Variants in PTPRD observed in about 807,000 individuals in gnomAD.
PTPRD encodes receptor-type tyrosine-protein phosphatase delta.
In PTPRD, 34 loss-of-function variants were observed where a neutral mutation model predicts 214.5. That is an observed-to-expected ratio of 0.16 (90% CI 0.12 to 0.21). PTPRD has a LOEUF of 0.21. Ranked by LOEUF, PTPRD falls within the 10% of genes least tolerant of loss-of-function variation. The pLI, the probability that PTPRD is intolerant of heterozygous loss-of-function variation, is 1.00. For synonymous variants in PTPRD, 1,128 were observed against 845.7 expected, an observed-to-expected ratio of 1.33 and a Z score of -5.79; for missense variants, 2,545 against 2,398.7, an observed-to-expected ratio of 1.06 and a Z score of -1.27.
At chr9:10,345,625 C>T (rs2038683) in intron 2 of PTPRD, among the ~76,000 whole-genome samples, 151,362 of 152,334 alleles carry the variant, frequency 0.99, 75,201 homozygotes, top group Middle Eastern at 1. Flanking sequence ...CAGTATTCCA[C>T]GGTGTATATG....
At chr9:8,537,347 A>AC (rs2077199209) in intron 14 of PTPRD, among the ~76,000 whole-genome samples, 1 of 152,046 alleles carries the variant, frequency 6.6e-6, no homozygotes, top group South Asian at 2.1e-4. Context: ...AGCAGAAAAA[A>AC]AAACTGACAG....
chr9:9,564,943 G>C (rs1050647692), intron 8 of PTPRD, among the ~76,000 whole-genome samples: 1 of 124,402 alleles, frequency 8.0e-6, no homozygotes, highest in African/African-American at 3.0e-5. Context: ...CCTGTTATGG[G>C]CTATGTACTA....
intron 6 of PTPRD, among the ~76,000 whole-genome samples, chr9:9,747,569 G>A (rs1372105943): frequency 6.8e-6 from 1 of 146,018 alleles, no homozygotes; most frequent in African/African-American, 2.5e-5. Context: ...TCCCTGAGAT[G>A]GAGTTTCACT....
At chr9:10,313,137 A>G (rs992263994) in intron 3 of PTPRD, among the ~76,000 whole-genome samples, 2 of 151,866 alleles carry the variant, frequency 1.3e-5, no homozygotes, top group Non-Finnish European at 2.9e-5. Context: ...TGGAACAGAA[A>G]TTTGAAAAGA....
intron 2 of PTPRD, among the ~76,000 whole-genome samples, chr9:10,506,999 G>A (rs908228237): frequency 5.3e-5 from 8 of 151,966 alleles, no homozygotes; most frequent in Non-Finnish European, 1.2e-4. Flanking sequence ...GGTGAGAGAG[G>A]GCATCCCTGT....
chr9:8,362,770 C>G (rs372148521), intron 39 of PTPRD, among the ~76,000 whole-genome samples: 1 of 152,202 alleles, frequency 6.6e-6, no homozygotes, highest in Non-Finnish European at 1.5e-5. Flanking sequence ...CCAGACTGTT[C>G]TCTACCTTTC....
At chr9:10,569,540 T>G (rs147825992) in intron 2 of PTPRD, among the ~76,000 whole-genome samples, 90 of 152,026 alleles carry the variant, frequency 5.9e-4, no homozygotes, top group African/African-American at 2.0e-3. Flanking sequence ...TCTGTGTGTA[T>G]ATATATATAC....
chr9:10,351,464 A>T (rs897475825), intron 2 of PTPRD, among the ~76,000 whole-genome samples: 18 of 151,950 alleles, frequency 1.2e-4, no homozygotes, highest in African/African-American at 3.6e-4. Context: ...TTCAAATGGG[A>T]CCTCTTACTC....
intron 7 of PTPRD, among the ~76,000 whole-genome samples, chr9:9,698,183 C>T (rs372398176): frequency 6.6e-6 from 1 of 152,106 alleles, no homozygotes; most frequent in Admixed American, 6.6e-5. Flanking sequence ...TCATAGTTCC[C>T]TCTTTACTGT....
intron 3 of PTPRD, among the ~76,000 whole-genome samples, chr9:10,270,685 G>T (rs916622708): frequency 6.6e-6 from 1 of 152,094 alleles, no homozygotes; most frequent in Non-Finnish European, 1.5e-5. Context: ...AAAAATTGTG[G>T]TATTGGATGC....
intron 5 of PTPRD, among the ~76,000 whole-genome samples, chr9:9,799,971 A>G (rs2099028361): frequency 6.6e-6 from 1 of 152,298 alleles, no homozygotes; most frequent in East Asian, 1.9e-4. Flanking sequence ...AATTCCTTTC[A>G]GTCTCCAAAT....
chr9:8,798,884 G>C (rs1205246782), intron 11 of PTPRD, among the ~76,000 whole-genome samples: 2 of 152,054 alleles, frequency 1.3e-5, no homozygotes, highest in Non-Finnish European at 2.9e-5. Context: ...CATTGCTGCA[G>C]TTTAAGTGCC....
chr9:8,808,378 C>T lies in PTPRD; in HGVS notation c.-103-74432G>A, dbSNP rs77996136. ...ACTTTTGGGAAAACGCTAAGCTAACCCCACATTCACTAACTCTAAAATGAT... is the reference window on the plus strand; with the variant it reads ...ACTTTTGGGAAAACGCTAAGCTAACTCCACATTCACTAACTCTAAAATGAT... On this transcript the variant is annotated intron_variant, in intron 11 of 45. Transcript: ENST00000381196. Among the ~76,000 whole-genome samples, 39 of 152,104 alleles carry T rather than the reference C, an allele frequency of 2.6e-4. 1 individual carries two copies. The East Asian group carries it at 7.5e-3, about 29-fold the overall frequency.
chr9:8,917,191 T>G (rs1279434467), intron 11 of PTPRD, among the ~76,000 whole-genome samples: 1 of 151,028 alleles, frequency 6.6e-6, no homozygotes, highest in Non-Finnish European at 1.5e-5. Context: ...TGCAGTGGTG[T>G]GCTCTCGGCT....
At chr9:9,804,286 C>T (rs1002671752) in intron 5 of PTPRD, among the ~76,000 whole-genome samples, 21 of 151,986 alleles carry the variant, frequency 1.4e-4, no homozygotes, top group African/African-American at 4.3e-4. Flanking sequence ...AATAGCAGTA[C>T]ACTGCACTGA....
intron 2 of PTPRD, among the ~76,000 whole-genome samples, chr9:10,405,402 G>C (rs1449854770): frequency 2.6e-5 from 4 of 151,560 alleles, no homozygotes; most frequent in Non-Finnish European, 4.4e-5. Context: ...TAAACTTTCT[G>C]GTCCTGGAGG....
intron 9 of PTPRD, among the ~76,000 whole-genome samples, chr9:9,300,893 G>A (rs962228095): frequency 1.3e-5 from 2 of 151,728 alleles, no homozygotes; most frequent in Admixed American, 6.6e-5. Context: ...TACGCATATT[G>A]TTATTTATAT....
chr9:8,987,277 G>T (rs571042524), intron 11 of PTPRD, among the ~76,000 whole-genome samples: 2 of 152,216 alleles, frequency 1.3e-5, no homozygotes, highest in Admixed American at 6.6e-5. Flanking sequence ...GTGTGTGGGT[G>T]GGTATGTGTG....
chr9:8,873,806 G>T (rs755587199), intron 11 of PTPRD, among the ~76,000 whole-genome samples: 21 of 152,144 alleles, frequency 1.4e-4, no homozygotes, highest in Non-Finnish European at 2.4e-4. Context: ...GACAGGAAAT[G>T]AAGAGAGGGA....
Sources: gnomAD v4.1 joint callset for allele counts (sites outside exome capture counted in the v4.1 genomes callset) on GRCh38, gnomAD v4.1.1 for gene constraint, MANE v1.5 for transcripts, NCBI Gene and HGNC (gene_info 2026-07-23, HGNC 2026-07-21) for gene names.